The following ARHGEF28 variants were observed in gnomAD, a reference collection of about 807,000 sequenced individuals.
ARHGEF28 encodes the protein 190 kDa guanine nucleotide exchange factor.
In ARHGEF28, 152 loss-of-function variants were observed where a neutral mutation model predicts 206.6. That is an observed-to-expected ratio of 0.74 (90% confidence interval 0.64 to 0.84). The LOEUF is 0.84. ARHGEF28 is among the 40% of genes least tolerant of loss of function. The pLI, the probability that ARHGEF28 is intolerant of heterozygous loss-of-function variation, is 0.00. For synonymous variants in ARHGEF28, 763 were observed against 776.4 expected (o/e 0.98, Z 0.29); for missense variants, 2,028 against 2,073.2 (o/e 0.98, Z 0.42).
intron 31 of ARHGEF28, chr5:73,902,084 A>T (rs2112709181): frequency 6.6e-6 from 1 of 152,286 alleles, no homozygotes; most frequent in Admixed American, 6.5e-5. Flanking sequence ...CAAATGTCAG[A>T]TCTTCTCACA....
At chr5:73,793,344 C>T (rs911903797) in intron 7 of ARHGEF28, among the ~76,000 whole-genome samples, 10 of 152,100 alleles carry the variant, frequency 6.6e-5, no homozygotes, top group African/African-American at 2.4e-4. Flanking sequence ...TAAATGAATA[C>T]CTTATACATT....
At chr5:73,872,382 T>C (rs1188036296) in intron 21 of ARHGEF28, among the ~76,000 whole-genome samples, 1 of 152,176 alleles carries the variant, frequency 6.6e-6, no homozygotes, top group Non-Finnish European at 1.5e-5. Flanking sequence ...ATATACTAGA[T>C]ACAAGTTCCT....
chr5:73,906,525 C>G (rs1284496094), intron 33 of ARHGEF28, among the ~76,000 whole-genome samples: 1 of 152,226 alleles, frequency 6.6e-6, no homozygotes, highest in Non-Finnish European at 1.5e-5. Flanking sequence ...CCCAGCCCCA[C>G]AAGAGCTCTT....
In ARHGEF28 at chr5:73,941,102, TG is replaced by T; in HGVS notation, c.*90del. On this transcript the variant is annotated 3_prime_UTR_variant, in exon 36 of 36. Coordinates refer to ENST00000513042, the MANE Select transcript of ARHGEF28 (RefSeq NM_001177693.2). ...CATTCCTTATGTATGTGTGATTGTC[TG>T]TGTCCAAATTGCTTTAAGAATAATA... is the stretch of plus-strand genomic sequence containing the variant. 8.2e-7 allele frequency: 1 copy of T among 1,220,782 alleles called. No homozygotes were observed. The highest frequency in any genetic ancestry group is 1.6e-5 in the African/African-American group (1 of 64,310). 75.6% of individuals were successfully genotyped at this position (1,220,782 alleles called of 1,614,324 possible).
At chr5:73,718,913 G>A (rs1250935136) in intron 2 of ARHGEF28, among the ~76,000 whole-genome samples, 4 of 152,158 alleles carry the variant, frequency 2.6e-5, no homozygotes, top group African/African-American at 7.2e-5. Context: ...CCAGCCTCTC[G>A]GCATTGCTGT....
In ARHGEF28 at chr5:73,909,675, G is replaced by T. The variant is rs2112725564; in HGVS notation, c.4425G>T (p.Arg1475=). Reference sequence around the variant, plus strand: ...CCAGGGAGAGCTGGCTGCAGGAGCGGGAGCGGGAGTGCCAGTCGCAGGAGG... The same window carrying T: ...CCAGGGAGAGCTGGCTGCAGGAGCGTGAGCGGGAGTGCCAGTCGCAGGAGG... ...QATRESWLQE[R]ERECQSQEEL... is the part of the protein sequence containing the mutation. The change falls in exon 34 of 36, where the codon CGG becomes CGT. Residue 1475 remains arginine, a synonymous_variant. Transcript: ENST00000513042. 1 of 1,540,554 alleles carries T rather than the reference G, an allele frequency of 6.5e-7. No individual in the cohort carries two copies. Among genetic ancestry groups the T allele is most frequent in the East Asian group, 2.5e-5 (1 of 40,704 alleles).
At chr5:73,642,508 T>C (rs1291781696) in intron 1 of ARHGEF28, among the ~76,000 whole-genome samples, 3 of 152,230 alleles carry the variant, frequency 2.0e-5, no homozygotes, top group Admixed American at 2.0e-4. Context: ...GTGTGTTTAA[T>C]GCATTCCAGG....
At position 73,848,997 on chromosome 5, in the gene ARHGEF28, C is replaced by A. The variant is rs756328784; in HGVS notation, c.1657C>A (p.Arg553Ser). The part of the protein sequence containing the change: ...QSKESLLSGV[R>S]SRSYSCSSPK... ...TTAGGAATCACTGCTTTCTGGAGTT[C>A]GCTCACGTTCTTATTCTTGCTCATC... The change falls in exon 13 of 36, where the codon CGC becomes AGC. Residue 553 changes from arginine to serine, a missense_variant. Transcript: ENST00000513042. The A allele has an allele frequency of 6.4e-7, 1 of 1,570,396 alleles. No individual in the cohort carries two copies. Among genetic ancestry groups the A allele is most frequent in the Non-Finnish European group, 8.7e-7 (1 of 1,155,368 alleles).
intron 14 of ARHGEF28, among the ~76,000 whole-genome samples, chr5:73,855,785 A>G (rs1758990918): frequency 1.3e-5 from 2 of 152,136 alleles, no homozygotes; most frequent in African/African-American, 4.8e-5. Flanking sequence ...AGGATATATG[A>G]TAAATTGTGC....
chr5:73,723,425 A>T (rs1348501536), intron 2 of ARHGEF28, among the ~76,000 whole-genome samples: 1 of 152,184 alleles, frequency 6.6e-6, no homozygotes. Context: ...TGACCTCATG[A>T]TCTACCCTCC....
At position 73,737,121 on chromosome 5, in the gene ARHGEF28, G is replaced by A. The variant is rs182972228; in HGVS notation, c.34-12716G>A. ...TGATGTGTTTCAATGAGACACATCC[G>A]AGGTGCTTCTTTGGCCCTCAGCTCT... On this transcript the variant is annotated intron_variant, in intron 2 of 35. Transcript: ENST00000513042. Among the ~76,000 whole-genome samples the A allele has an allele frequency of 6.6e-5, 10 of 152,114 alleles. 1 individual carries two copies. The East Asian group carries it at 1.5e-3, about 24-fold the overall frequency.
intron 4 of ARHGEF28, among the ~76,000 whole-genome samples, chr5:73,762,464 A>C (rs1752654568): frequency 6.6e-6 from 1 of 151,274 alleles, no homozygotes; most frequent in African/African-American, 2.4e-5. Flanking sequence ...TCAAAAAAAA[A>C]AAAAAAAAAA....
At position 73,856,473 on chromosome 5, in the gene ARHGEF28, A is replaced by AT. The variant is rs916844622; in HGVS notation, c.1791-1173dup. Among the ~76,000 whole-genome samples the AT allele has an allele frequency of 6.1e-4, 91 of 150,142 alleles. 1 individual carries two copies. Among genetic ancestry groups the AT allele is most frequent in the South Asian group, 5.5e-3 (26 of 4,714 alleles). On this transcript the variant is annotated intron_variant, in intron 14 of 35. Transcript: ENST00000513042. ...TCAAGAGGCAGCTCTTAAGCCATGT[A>AT]TTTTTTTTTTCTAAATGCATTAATA...
intron 14 of ARHGEF28, among the ~76,000 whole-genome samples, chr5:73,853,784 A>G (rs1419922280): frequency 6.6e-6 from 1 of 152,172 alleles, no homozygotes; most frequent in Non-Finnish European, 1.5e-5. Flanking sequence ...CTGGAATTTG[A>G]TCTTCATCTT....
rs780543001 is a variant in ARHGEF28, at chr5:73,885,976, T to C, written c.3182T>C (p.Ile1061Thr). 31 of 1,613,676 alleles carry C rather than the reference T, an allele frequency of 1.9e-5. 1 individual carries two copies. Among genetic ancestry groups the C allele is most frequent in the South Asian group, 1.6e-4 (15 of 91,058 alleles). The change falls in exon 25 of 36, where the codon ATT becomes ACT. Residue 1061 changes from isoleucine to threonine, a missense_variant. This residue lies in a region of ARHGEF28 where 223 missense variants were observed against 289.9 expected (regional missense o/e 0.77). Coordinates refer to ENST00000513042, the MANE Select transcript of ARHGEF28 (RefSeq NM_001177693.2). ...NQKWLEILNK[I>T]ENKTYTKLKN... The stretch of plus-strand genomic sequence containing the variant: ...AAATGGCTTGAGATCCTAAATAAGA[T>C]TGAAAACAAAACATACACGAAGCTC...
At chr5:73,885,630 C>T (rs986520459) in intron 24 of ARHGEF28, among the ~76,000 whole-genome samples, 4 of 152,008 alleles carry the variant, frequency 2.6e-5, no homozygotes, top group African/African-American at 9.7e-5. Flanking sequence ...GCACATGCCA[C>T]TATGCCTGGC....
At chr5:73,636,452 T>C (rs1743723165) in intron 1 of ARHGEF28, among the ~76,000 whole-genome samples, 1 of 152,188 alleles carries the variant, frequency 6.6e-6, no homozygotes, top group Non-Finnish European at 1.5e-5. Context: ...CCTCTCACAT[T>C]TATGGTAGGA....
At chr5:73,899,687 A>G (rs778774957) in intron 30 of ARHGEF28, 5 of 152,242 alleles carry the variant, frequency 3.3e-5, no homozygotes, top group Non-Finnish European at 4.4e-5. Context: ...TCTGCAAATG[A>G]CTTGGAGAAC....
chr5:73,786,814 A>G (rs542261784), intron 7 of ARHGEF28, among the ~76,000 whole-genome samples: 1 of 152,220 alleles, frequency 6.6e-6, no homozygotes, highest in African/African-American at 2.4e-5. Flanking sequence ...TGCAAGTTAT[A>G]TAACACACGC....
Sources: allele counts gnomAD v4.1 joint callset (sites outside exome capture counted in the v4.1 genomes callset), GRCh38; gene constraint gnomAD v4.1.1; regional missense constraint gnomAD v4.1.1; transcripts MANE v1.5; gene names NCBI Gene and HGNC (gene_info 2026-07-23, HGNC 2026-07-21).